The following PLA2G4C variants were observed in gnomAD, a reference collection of about 807,000 sequenced individuals.
PLA2G4C encodes the protein cytosolic phospholipase A2 gamma.
PLA2G4C carries 64 observed loss-of-function variants against 73.8 expected under a neutral mutation model. The observed-to-expected ratio is 0.87, with a 90% CI of 0.71 to 1.07. The LOEUF (loss-of-function observed/expected upper bound fraction) is 1.07, where lower values mean the gene tolerates loss of function less well. Among genes scored for constraint, PLA2G4C ranks in the 50% least tolerant of loss-of-function variants. PLA2G4C has a pLI of 0.00. For missense variants in PLA2G4C, 622 were observed against 665.4 expected, an observed-to-expected ratio of 0.93 and a Z score of 0.72; for synonymous variants, 254 against 252.1, an observed-to-expected ratio of 1.01 and a Z score of -0.07.
intron 4 of PLA2G4C, chr19:48,103,551 C>G (rs1038579679): frequency 6.6e-6 from 1 of 152,354 alleles, no homozygotes; most frequent in African/African-American, 2.4e-5. Flanking sequence ...CTCTGCCTAG[C>G]CTTACCTCCT....
rs748878781 is a variant in PLA2G4C at position 48,105,346 on chromosome 19, A to G, written c.107T>C (p.Ile36Thr). ...HVLKALKKLR[I>T]EADEAPVVAV... ...CCCCTCACTTACCTCATCAGCCTCA[A>G]TCCTTAGCTTCTTCAGAGCTTTCAG... Residue 36 changes from isoleucine (I) to threonine (T), a missense_variant, in exon 3 of 17, where the codon ATT becomes ACT. By Grantham distance (89) the Ile-to-Thr change is moderately conservative. Transcript: ENST00000599921. 1 of 1,612,542 alleles carries G rather than the reference A, an allele frequency of 6.2e-7. No homozygotes were observed. The highest frequency in any genetic ancestry group is 1.3e-5 in the African/African-American group (1 of 74,920).
At position 48,096,079 on chromosome 19, in the gene PLA2G4C, G is replaced by A. The variant is rs542802836; in HGVS notation, c.569-475C>T. ...AGGAGGTGGACAGCTTGGGATGGGC[G>A]GGCCAGTGAGGAACTAATTACAAGA... On this transcript the variant is annotated intron_variant, in intron 6 of 16. Coordinates refer to ENST00000599921, the MANE Select transcript of PLA2G4C (RefSeq NM_003706.3). Among the ~76,000 whole-genome samples, 7 of 152,200 alleles carry A rather than the reference G, an allele frequency of 4.6e-5. No homozygotes were observed. In the South Asian group the frequency reaches 6.2e-4, roughly 14 times the overall value.
chr19:48,072,621 C>A lies in PLA2G4C; in HGVS notation c.1006+2146G>T, dbSNP rs1452720471. 1.3e-5 allele frequency: 2 copies of A among 152,102 alleles called. No homozygotes were observed. Among genetic ancestry groups the A allele is most frequent in the Non-Finnish European group, 2.9e-5 (2 of 68,020 alleles). The allele number at this position is 152,102 out of a possible 1,614,324, so 9.4% of individuals were successfully genotyped here. ...TTAATCCCATCTAAGGGGAGCTTGG[C>A]CAACAATAGCTCAGAGACATCAAGT... On this transcript the variant is annotated intron_variant, in intron 12 of 16. Coordinates refer to ENST00000599921, the MANE Select transcript of PLA2G4C (RefSeq NM_003706.3). This position sits in a 1 kb window ranked among gnomAD's most constrained non-coding sequence, Gnocchi z 4.4.
intron 10 of PLA2G4C, among the ~76,000 whole-genome samples, chr19:48,082,008 G>T (rs142589877): frequency 6.6e-6 from 1 of 151,836 alleles, no homozygotes; most frequent in Non-Finnish European, 1.5e-5. Context: ...TTGAACCCAG[G>T]ATACAGAGGT....
intron 14 of PLA2G4C, among the ~76,000 whole-genome samples, chr19:48,060,729 T>C (rs1356709054): frequency 6.6e-6 from 1 of 152,096 alleles, no homozygotes; most frequent in Non-Finnish European, 1.5e-5. Flanking sequence ...TCAGCAGAAA[T>C]CCTAAGACCA....
intron 13 of PLA2G4C, chr19:48,063,735 C>T (rs1458122917): frequency 6.6e-6 from 1 of 151,506 alleles, no homozygotes. Flanking sequence ...CGATGCCCTC[C>T]TCCCTTTGGG....
In PLA2G4C at chr19:48,088,542, A is replaced by G. The variant is rs990337982; in HGVS notation, c.790+144T>C. On this transcript the variant is annotated intron_variant, in intron 9 of 16. Transcript: ENST00000599921. ...TCTCCAGCAACAGATCCAAATCAAGATGAAATCTTTGAAATACCAGATAAA... is the reference window on the plus strand; with the variant it reads ...TCTCCAGCAACAGATCCAAATCAAGGTGAAATCTTTGAAATACCAGATAAA... The G allele has an allele frequency of 6.7e-5, 44 of 659,358 alleles. 1 individual carries two copies. In the East Asian group the frequency reaches 1.2e-3, roughly 18 times the overall value. 40.8% of individuals were successfully genotyped at this position (659,358 alleles called of 1,614,324 possible).
rs1253707828 is a variant in PLA2G4C, at chr19:48,105,330, TA to T, written c.120+2del. ...CTGGGGCCACCCTCCTCCCCTCACT[TA>T]CCTCATCAGCCTCAATCCTTAGCTT... On this transcript the variant is annotated splice_donor_variant, in intron 3 of 16. Transcript: ENST00000599921. LOFTEE classifies it high-confidence loss of function. The T allele has an allele frequency of 6.2e-7, 1 of 1,604,232 alleles. No individual in the cohort carries two copies. Among genetic ancestry groups the T allele is most frequent in the East Asian group, 2.2e-5 (1 of 44,762 alleles).
chr19:48,048,489 G>A (rs933339649), intron 16 of PLA2G4C, 101 bp from the exon 17 acceptor site: 5 of 672,690 alleles, frequency 7.4e-6, no homozygotes, highest in Non-Finnish European at 9.7e-6. Flanking sequence ...GGTCATACAT[G>A]ACTTAGGAGA....
rs371687415 is a variant in PLA2G4C at position 48,062,056 on chromosome 19, G to A, written c.1199C>T (p.Pro400Leu). The A allele has an allele frequency of 2.1e-5, 34 of 1,613,464 alleles. No homozygotes were observed. The highest frequency in any genetic ancestry group is 1.3e-4 in the African/African-American group (10 of 74,830). ...INTPFPLVLP[P>L]TREVHLILSF... ...GAGGATGAGGTGAACCTCCCGCGTC[G>A]GGGGCAGCACGAGTGGGAAGGGAGT... The change falls in exon 14 of 17, where the codon CCG becomes CTG. Residue 400 changes from proline (P) to leucine (L), a missense_variant. Physicochemically the swap from Pro to Leu is moderately conservative, Grantham distance 98. Transcript: ENST00000599921.
intron 14 of PLA2G4C, among the ~76,000 whole-genome samples, chr19:48,059,761 C>G (rs1428300118): frequency 6.7e-6 from 1 of 148,520 alleles, no homozygotes; most frequent in African/African-American, 2.5e-5. Flanking sequence ...GTGGGCTTCC[C>G]TACTTTTTTT....
At chr19:48,109,845 TTCACTGTGTTAGCCAG>T (rs896894365) in intron 1 of PLA2G4C, among the ~76,000 whole-genome samples, 6 of 151,528 alleles carry the variant, frequency 4.0e-5, no homozygotes, top group Non-Finnish European at 7.4e-5. Context: ...GAGACGGGGT[TTCACTGTGTTAGCCAG>T]GATGATCTCG....
intron 12 of PLA2G4C, among the ~76,000 whole-genome samples, chr19:48,068,742 A>G (rs950640768): frequency 9.9e-5 from 15 of 151,526 alleles, no homozygotes; most frequent in South Asian, 6.2e-4. Context: ...AAAAAAAAAA[A>G]AAAAAGAAAA....
chr19:48,066,958 G>GACACACAC (rs200703260), intron 13 of PLA2G4C, among the ~76,000 whole-genome samples: 1,638 of 143,892 alleles, frequency 0.011, 25 homozygotes, highest in African/African-American at 0.039. Context: ...AACAGAGCAA[G>GACACACAC]ACACACACAC....
chr19:48,104,745 C>G (rs1185767793), intron 3 of PLA2G4C, 21 bp from the exon 4 acceptor site: 2 of 1,612,794 alleles, frequency 1.2e-6, no homozygotes, highest in Admixed American at 1.7e-5. Context: ...GGGAGAAAAT[C>G]GATCAGAGGT....
At chr19:48,053,755 C>T (rs933577436) in intron 15 of PLA2G4C, among the ~76,000 whole-genome samples, 2 of 152,110 alleles carry the variant, frequency 1.3e-5, no homozygotes, top group African/African-American at 4.8e-5. Context: ...AATAAATGTT[C>T]GTTAAATGAA....
chr19:48,094,576 G>A (rs965950580), intron 7 of PLA2G4C, among the ~76,000 whole-genome samples: 3 of 152,102 alleles, frequency 2.0e-5, no homozygotes, highest in Non-Finnish European at 4.4e-5. Context: ...TGAGAAAAAC[G>A]AGGCTCAGGT....
chr19:48,089,403 C>A (rs984425839), intron 8 of PLA2G4C, among the ~76,000 whole-genome samples: 2 of 152,008 alleles, frequency 1.3e-5, no homozygotes, highest in Non-Finnish European at 2.9e-5. Context: ...GGCAACAGAG[C>A]AAAACTCTGT....
intron 15 of PLA2G4C, among the ~76,000 whole-genome samples, chr19:48,054,398 G>C (rs1323828428): frequency 6.6e-6 from 1 of 152,128 alleles, no homozygotes; most frequent in African/African-American, 2.4e-5. Context: ...CCGCCTCCCA[G>C]GTTCAAGCGA....
Sources: allele counts gnomAD v4.1 joint callset (sites outside exome capture counted in the v4.1 genomes callset), GRCh38; gene constraint gnomAD v4.1.1; non-coding constraint Gnocchi (gnomAD v3.1); transcripts MANE v1.5; gene names NCBI Gene and HGNC (gene_info 2026-07-23, HGNC 2026-07-21).